The following HK2 variants were observed in gnomAD, a reference collection of about 807,000 sequenced individuals.
HK2 encodes hexokinase 2.
In HK2, 42 loss-of-function variants were observed where a neutral mutation model predicts 92.9. The ratio of observed to expected loss-of-function variants is 0.45; its 90% CI spans 0.35 to 0.58. The LOEUF (loss-of-function observed/expected upper bound fraction) is 0.58. Among genes scored for constraint, HK2 ranks in the 20% least tolerant of loss-of-function variants. The pLI is 0.00. For synonymous variants in HK2, 422 were observed against 468.0 expected (o/e 0.90, Z 1.27); for missense variants, 978 against 1,245.1 (o/e 0.79, Z 3.23).
chr2:74,855,844 C>T lies in HK2; in HGVS notation c.226+1389C>T, dbSNP rs569804860. 1.3e-4 allele frequency among the ~76,000 whole-genome samples: 20 copies of T among 152,164 alleles called. No homozygotes were observed. In the East Asian group the frequency reaches 2.1e-3, roughly 16 times the overall value. On this transcript the variant is annotated intron_variant, in intron 2 of 17. Coordinates refer to ENST00000290573, the MANE Select transcript of HK2 (RefSeq NM_000189.5). ...AAAAAGAGTATTCAAGGGTGGGGCCCGGCTGTTGAGCCCAGCTGCCTGGGA... is the reference window on the plus strand; with the variant it reads ...AAAAAGAGTATTCAAGGGTGGGGCCTGGCTGTTGAGCCCAGCTGCCTGGGA...
Position 74,893,087 on chromosome 2 carries a change from T to C in HK2, c.*2146T>C, listed in dbSNP as rs1481419975. ...TGTGTGTGTGTAGGTATTAAAGATGTGTTGTTGGTTTCCAAAAAGGAACAC... is the reference window on the plus strand; with the variant it reads ...TGTGTGTGTGTAGGTATTAAAGATGCGTTGTTGGTTTCCAAAAAGGAACAC... On this transcript the variant is annotated 3_prime_UTR_variant, in exon 18 of 18. Transcript: ENST00000290573. The C allele has an allele frequency of 6.6e-6, 1 of 151,688 alleles. No individual in the cohort carries two copies. Among genetic ancestry groups the C allele is most frequent in the Admixed American group, 6.6e-5 (1 of 15,218 alleles). The allele number at this position is 151,688 out of a possible 1,614,324, so 9.4% of individuals were successfully genotyped here.
chr2:74,835,487 T>C (rs898535946), intron 1 of HK2: 1 of 152,368 alleles, frequency 6.6e-6, no homozygotes, highest in Non-Finnish European at 1.5e-5. Flanking sequence ...TCGACCTGTC[T>C]GTTCCCACCT....
chr2:74,835,710 G>A (rs1688148058), intron 1 of HK2, among the ~76,000 whole-genome samples: 1 of 152,214 alleles, frequency 6.6e-6, no homozygotes, highest in African/African-American at 2.4e-5. Context: ...GCCCGGGCCT[G>A]GGCTACGATT....
At position 74,889,386 on chromosome 2, in the gene HK2, C is replaced by A; in HGVS notation, c.2517C>A (p.Ala839=). The A allele has an allele frequency of 6.2e-7, 1 of 1,614,176 alleles. No individual in the cohort carries two copies. The highest frequency in any genetic ancestry group is 1.1e-5 in the South Asian group (1 of 91,076). Residue 839 remains alanine (A), a synonymous_variant, in exon 17 of 18, where the codon GCC becomes GCA. Transcript: ENST00000290573. Reference sequence around the variant, plus strand: ...CCCAGCTCTGTGGCGCAGGCATGGCCGCTGTGGTGGACAGGATACGAGAAA... The same window carrying A: ...CCCAGCTCTGTGGCGCAGGCATGGCAGCTGTGGTGGACAGGATACGAGAAA... ...RAAQLCGAGM[A]AVVDRIRENR... is the part of the protein sequence containing the mutation.
intron 12 of HK2, among the ~76,000 whole-genome samples, chr2:74,883,738 C>A (rs1026861298): frequency 6.6e-6 from 1 of 152,166 alleles, no homozygotes. Context: ...ACCAGACTAG[C>A]GTTGCTTTAT....
intron 13 of HK2, among the ~76,000 whole-genome samples, chr2:74,885,868 ACACACACACACACACAC>A (rs1689516828): frequency 5.3e-5 from 8 of 151,476 alleles, no homozygotes; most frequent in African/African-American, 2.0e-4. Flanking sequence ...ACACACACAC[ACACACACACACACACAC>A]AGTAAAGGAA....
Position 74,877,126 on chromosome 2 carries a change from C to CA in HK2, c.876-39dup, listed in dbSNP as rs1412624743. The stretch of plus-strand genomic sequence containing the variant: ...AACAGGGAAGCTATGAGTACATGGG[C>CA]AGTGGGGACTTTATGTTTTTGGTTT... On this transcript the variant is annotated intron_variant, in intron 7 of 17. Transcript: ENST00000290573. 5 of 1,611,836 alleles carry CA rather than the reference C, an allele frequency of 3.1e-6. No homozygotes were observed. In the African/African-American group the frequency reaches 6.7e-5, roughly 22 times the overall value.
At position 74,889,248 on chromosome 2, in the gene HK2, C is replaced by T. The variant is rs146055277; in HGVS notation, c.2379C>T (p.Asp793=). ...TGCTGTCTCCCTCCCACCCCAGTGA[C>T]TGCCTGGCCCTGCTGCAAGTCCGAG... ...ETKFLSQIES[D]CLALLQVRAI... Residue 793 remains aspartate, a synonymous_variant, in exon 17 of 18, where the codon GAC becomes GAT. Transcript: ENST00000290573. 1.2e-6 allele frequency: 2 copies of T among 1,613,304 alleles called. No individual in the cohort carries two copies. Among genetic ancestry groups the T allele is most frequent in the Non-Finnish European group, 1.7e-6 (2 of 1,179,612 alleles).
chr2:74,874,185 C>T, intron 6 of HK2, 81 bp from the exon 7 acceptor site: 1 of 1,564,936 alleles, frequency 6.4e-7, no homozygotes, highest in Non-Finnish European at 8.8e-7. Flanking sequence ...GCCGGGCAGT[C>T]TCGGGACAGT....
intron 1 of HK2, among the ~76,000 whole-genome samples, chr2:74,840,216 C>T (rs1558786193): frequency 6.6e-6 from 1 of 151,264 alleles, no homozygotes; most frequent in Non-Finnish European, 1.5e-5. Flanking sequence ...CTAGGCCTCC[C>T]AAAGTACTGG....
intron 2 of HK2, among the ~76,000 whole-genome samples, chr2:74,859,083 C>T (rs191135568): frequency 2.2e-4 from 33 of 152,358 alleles, no homozygotes; most frequent in African/African-American, 7.7e-4. Context: ...CGTTTTGCTT[C>T]TTTCCCAAAC....
intron 2 of HK2, among the ~76,000 whole-genome samples, chr2:74,864,000 T>G (rs1360804333): frequency 6.6e-6 from 1 of 152,252 alleles, no homozygotes; most frequent in Non-Finnish European, 1.5e-5. Context: ...GTGTTCTGAT[T>G]TGCCTGAGCC....
rs775047576 is a variant in HK2, at chr2:74,867,708, A to G, written c.299A>G (p.Asn100Ser). ...GTGCTTTGGGTGAAAGTAACGGACA[A>G]TGGGCTCCAGAAGGTGGAGATGGAG... is the stretch of plus-strand genomic sequence containing the variant. The part of the protein sequence containing the change: ...FRVLWVKVTD[N>S]GLQKVEMENQ... The change falls in exon 3 of 18, where the codon AAT becomes AGT. Residue 100 changes from asparagine to serine, a missense_variant. Physicochemically the swap from Asn to Ser is conservative, Grantham distance 46 (BLOSUM62 1). This residue lies in a region of HK2 where 189 missense variants were observed against 289.5 expected (regional missense o/e 0.65). Transcript: ENST00000290573. 5.6e-6 allele frequency: 9 copies of G among 1,614,136 alleles called. No homozygotes were observed. Among genetic ancestry groups the G allele is most frequent in the Middle Eastern group, 1.6e-4 (1 of 6,062 alleles).
intron 3 of HK2, among the ~76,000 whole-genome samples, chr2:74,868,555 AGTACTCTTC>A (rs1689017206): frequency 6.6e-6 from 1 of 152,176 alleles, no homozygotes; most frequent in Non-Finnish European, 1.5e-5. Flanking sequence ...TGCATAATCT[AGTACTCTTC>A]GTGTTTTTTT....
intron 1 of HK2, among the ~76,000 whole-genome samples, chr2:74,840,101 G>A (rs1208306992): frequency 2.0e-5 from 3 of 151,198 alleles, no homozygotes; most frequent in East Asian, 3.9e-4. Flanking sequence ...GACTACAGGC[G>A]CCCACCACCA....
Position 74,851,253 on chromosome 2 carries a change from C to T in HK2, c.64-3040C>T, listed in dbSNP as rs78012590. On this transcript the variant is annotated intron_variant, in intron 1 of 17. Transcript: ENST00000290573. ...ATAAAACGGAGGTGCAGAAGTTTTA[C>T]GAAGACAATGGAGAACAGGTCAGGA... is the stretch of plus-strand genomic sequence containing the variant. 2.8e-4 allele frequency among the ~76,000 whole-genome samples: 42 copies of T among 152,282 alleles called. No individual in the cohort carries two copies. In the East Asian group the frequency reaches 6.6e-3, roughly 24 times the overall value.
At chr2:74,879,699 A>G (rs1689334274) in intron 9 of HK2, among the ~76,000 whole-genome samples, 1 of 152,218 alleles carries the variant, frequency 6.6e-6, no homozygotes, top group Non-Finnish European at 1.5e-5. Context: ...CCATGGCTCC[A>G]AGTGGCCACT....
chr2:74,886,892 G>C (rs1689553209), intron 15 of HK2, among the ~76,000 whole-genome samples: 1 of 152,224 alleles, frequency 6.6e-6, no homozygotes, highest in Non-Finnish European at 1.5e-5. Context: ...GAACAGGTGG[G>C]AGAATACTAG....
In HK2 at chr2:74,886,508, G is replaced by C; in HGVS notation, c.2054G>C (p.Cys685Ser). ...GLIVGTGSNACYMEEMRNVEL... is the reference protein window; with the variant it reads ...GLIVGTGSNASYMEEMRNVEL... ...TTGGCAGGCACGGGCAGCAATGCCT[G>C]CTACATGGAGGAGATGCGCAACGTG... Residue 685 changes from cysteine (C) to serine (S), a missense_variant, in exon 15 of 18, where the codon TGC (cysteine) becomes TCC (serine). By Grantham distance (112) the Cys-to-Ser change is moderately radical (BLOSUM62 -1). Coordinates refer to ENST00000290573, the MANE Select transcript of HK2 (RefSeq NM_000189.5). 6 of 1,614,044 alleles carry C rather than the reference G, an allele frequency of 3.7e-6. No homozygotes were observed. The highest frequency in any genetic ancestry group is 5.1e-6 in the Non-Finnish European group (6 of 1,179,972).
Sources: allele counts gnomAD v4.1 joint callset (sites outside exome capture counted in the v4.1 genomes callset), GRCh38; gene constraint gnomAD v4.1.1; regional missense constraint gnomAD v4.1.1; transcripts MANE v1.5; gene names NCBI Gene and HGNC (gene_info 2026-07-23, HGNC 2026-07-21).